The following KIAA0232 variants were observed in gnomAD, a reference collection of about 807,000 sequenced individuals.
KIAA0232 encodes the protein KIAA0232.
Under a neutral mutation model 122.0 loss-of-function variants are expected in KIAA0232, and 27 were observed. The observed-to-expected ratio is 0.22, with a 90% CI of 0.16 to 0.31. The LOEUF is 0.31. KIAA0232 is among the 10% of genes least tolerant of loss of function. KIAA0232 has a pLI of 1.00. For missense variants in KIAA0232, 1,551 were observed against 1,634.2 expected, an observed-to-expected ratio of 0.95 and a Z score of 0.88; for synonymous variants, 613 against 587.6, an observed-to-expected ratio of 1.04 and a Z score of -0.63.
Position 6,862,412 on chromosome 4 carries a change from G to A in KIAA0232, c.2030G>A (p.Ser677Asn). The change falls in exon 7 of 10, where the codon AGT (serine) becomes AAT (asparagine). Residue 677 changes from serine to asparagine, a missense_variant. Ser to Asn is a conservative substitution (Grantham distance 46). This residue lies in a region of KIAA0232 where 1,108 missense variants were observed against 1,154.8 expected (regional missense o/e 0.96). Transcript: ENST00000307659. ...TTGGGAAATGAAAATACAGATTCTA[G>A]TGCTAATATGCTTGGGAAAACACAG... is the stretch of plus-strand genomic sequence containing the variant. ...LNLGNENTDS[S>N]ANMLGKTQSR... The A allele has an allele frequency of 1.2e-6, 2 of 1,614,112 alleles. No individual in the cohort carries two copies. Among genetic ancestry groups the A allele is most frequent in the Non-Finnish European group, 1.7e-6 (2 of 1,180,012 alleles).
chr4:6,805,300 C>G (rs752427715), intron 2 of KIAA0232, among the ~76,000 whole-genome samples: 3 of 152,106 alleles, frequency 2.0e-5, no homozygotes, highest in African/African-American at 7.2e-5. Context: ...TCTGAGTTCT[C>G]TAGTGTGTAT....
chr4:6,793,319 C>A (rs1400951115), intron 1 of KIAA0232, among the ~76,000 whole-genome samples: 1 of 152,048 alleles, frequency 6.6e-6, no homozygotes, highest in Non-Finnish European at 1.5e-5. Flanking sequence ...ATGTATTTTC[C>A]TGAAAAACTC....
intron 3 of KIAA0232, among the ~76,000 whole-genome samples, chr4:6,837,419 C>T (rs1164830371): frequency 1.3e-5 from 2 of 150,818 alleles, no homozygotes; most frequent in Non-Finnish European, 3.0e-5. Context: ...AGGCGCTCCT[C>T]ACTTCCCAGG....
intron 1 of KIAA0232, among the ~76,000 whole-genome samples, chr4:6,792,477 T>G (rs1716939423): frequency 2.0e-5 from 3 of 152,176 alleles, no homozygotes; most frequent in Admixed American, 6.5e-5. Context: ...TTTACTACTT[T>G]TGTTAAGGCC....
chr4:6,840,338 T>G (rs1185568134), intron 3 of KIAA0232, among the ~76,000 whole-genome samples: 1 of 152,212 alleles, frequency 6.6e-6, no homozygotes, highest in African/African-American at 2.4e-5. Context: ...AGCCAATCTT[T>G]GTGGCCAAAG....
At position 6,868,161 on chromosome 4, in the gene KIAA0232, T is replaced by C. The variant is rs571689650; in HGVS notation, c.3802-3413T>C. 5.4e-4 allele frequency among the ~76,000 whole-genome samples: 82 copies of C among 152,376 alleles called. 4 individuals are homozygous for C. The South Asian group carries it at 0.017, about 31-fold the overall frequency. On this transcript the variant is annotated intron_variant, in intron 7 of 9. Transcript: ENST00000307659. ...AATTTACAGCTGTGAAGCCTTTGTT[T>C]CCTTCACCCAGCTTCCACCTTCTAA... is the stretch of plus-strand genomic sequence containing the variant.
At chr4:6,794,145 G>A (rs542301199) in intron 1 of KIAA0232, among the ~76,000 whole-genome samples, 233 of 152,316 alleles carry the variant, frequency 1.5e-3, no homozygotes, top group African/African-American at 4.9e-3. Context: ...TCGGATTCCC[G>A]TGAAGAGAGG....
Position 6,863,831 on chromosome 4 carries a change from A to T in KIAA0232, c.3449A>T (p.Asp1150Val). ...GATATATTTGAAGATCCGCAGGCAG[A>T]TCTCAAACCTTTGGAAGAAGATGCA... The part of the protein sequence containing the change: ...QVDIFEDPQA[D>V]LKPLEEDAEK... The change falls in exon 7 of 10, where the codon GAT becomes GTT. Residue 1150 changes from aspartate to valine, a missense_variant. By Grantham distance (152) the Asp-to-Val change is radical. This residue lies in a region of KIAA0232 where 1,108 missense variants were observed against 1,154.8 expected (regional missense o/e 0.96). Coordinates refer to ENST00000307659, the MANE Select transcript of KIAA0232 (RefSeq NM_014743.3). 1 of 1,614,172 alleles carries T rather than the reference A, an allele frequency of 6.2e-7. No individual in the cohort carries two copies. The highest frequency in any genetic ancestry group is 8.5e-7 in the Non-Finnish European group (1 of 1,180,020).
intron 1 of KIAA0232, among the ~76,000 whole-genome samples, chr4:6,796,088 G>A (rs1364170323): frequency 6.6e-6 from 1 of 152,132 alleles, no homozygotes; most frequent in East Asian, 1.9e-4. Context: ...GCGTAAGTGA[G>A]CTGCACTAAA....
chr4:6,807,711 G>A (rs189456184), intron 2 of KIAA0232, among the ~76,000 whole-genome samples: 41 of 152,182 alleles, frequency 2.7e-4, no homozygotes, highest in African/African-American at 9.9e-4. Flanking sequence ...GATTGGCTTT[G>A]GAGCCAGGCT....
intron 2 of KIAA0232, among the ~76,000 whole-genome samples, chr4:6,822,782 TTTA>T (rs1406066348): frequency 2.6e-5 from 4 of 151,406 alleles, no homozygotes; most frequent in Non-Finnish European, 5.9e-5. Flanking sequence ...TTTTTTTTAA[TTTA>T]TTATTATTAT....
chr4:6,861,643 G>C lies in KIAA0232; in HGVS notation c.1261G>C (p.Glu421Gln). 1 of 1,614,042 alleles carries C rather than the reference G, an allele frequency of 6.2e-7. No homozygotes were observed. Among genetic ancestry groups the C allele is most frequent in the Non-Finnish European group, 8.5e-7 (1 of 1,180,028 alleles). The change falls in exon 7 of 10, where the codon GAG becomes CAG. Residue 421 changes from glutamate (E) to glutamine (Q), a missense_variant. By Grantham distance (29) the Glu-to-Gln change is conservative. Transcript: ENST00000307659. Reference protein sequence around the residue: ...FVPLSRKSKLETTYRNRQDTS... With the variant: ...FVPLSRKSKLQTTYRNRQDTS... ...TCCTCTGAGCAGAAAAAGTAAACTA[G>C]AGACCACATACCGAAACAGACAGGA... is the stretch of plus-strand genomic sequence containing the variant.
At chr4:6,837,769 C>T (rs1719401398) in intron 3 of KIAA0232, among the ~76,000 whole-genome samples, 1 of 152,206 alleles carries the variant, frequency 6.6e-6, no homozygotes, top group Non-Finnish European at 1.5e-5. Context: ...AAAAACCAGT[C>T]AGGCGTGGGC....
chr4:6,826,626 T>C (rs1209233827), intron 3 of KIAA0232, among the ~76,000 whole-genome samples: 1 of 151,978 alleles, frequency 6.6e-6, no homozygotes, highest in African/African-American at 2.4e-5. Context: ...TGCCTCTGTC[T>C]CCTGAGTAGC....
At chr4:6,858,834 G>A (rs1287646737) in intron 6 of KIAA0232, among the ~76,000 whole-genome samples, 1 of 152,118 alleles carries the variant, frequency 6.6e-6, no homozygotes, top group Non-Finnish European at 1.5e-5. Context: ...TATCAGCCGG[G>A]CACAGTGGCT....
intron 3 of KIAA0232, among the ~76,000 whole-genome samples, chr4:6,832,982 C>T (rs1719071910): frequency 6.6e-6 from 1 of 152,164 alleles, no homozygotes. Context: ...AAATAATAAT[C>T]CCAGTCCTGA....
At chr4:6,880,660 G>A in intron 9 of KIAA0232, 127 bp from the exon 10 acceptor site, 2 of 617,660 alleles carry the variant, frequency 3.2e-6, no homozygotes, top group Non-Finnish European at 2.4e-6. Flanking sequence ...GTAAAACTCT[G>A]CATGTTTGTA....
chr4:6,814,250 C>T (rs975095170), intron 2 of KIAA0232, among the ~76,000 whole-genome samples: 1 of 152,070 alleles, frequency 6.6e-6, no homozygotes, highest in African/African-American at 2.4e-5. Context: ...TGCACTTAAC[C>T]ACCTTGGGTT....
intron 1 of KIAA0232, among the ~76,000 whole-genome samples, chr4:6,800,194 A>G (rs1577357833): frequency 6.8e-6 from 1 of 147,834 alleles, no homozygotes; most frequent in East Asian, 2.0e-4. Context: ...AGTAGCTAGT[A>G]TTACAGGTGC....
Sources: gnomAD v4.1 joint callset for allele counts (sites outside exome capture counted in the v4.1 genomes callset) on GRCh38, gnomAD v4.1.1 for gene constraint, gnomAD v4.1.1 regional missense constraint, MANE v1.5 for transcripts, NCBI Gene and HGNC (gene_info 2026-07-23, HGNC 2026-07-21) for gene names.